The following SC5D variants were observed in gnomAD, a reference collection of about 807,000 sequenced individuals.
SC5D encodes sterol-C5-desaturase, also known as lathosterol oxidase.
In SC5D, 21 loss-of-function variants were observed where a neutral mutation model predicts 23.9. The ratio of observed to expected loss-of-function variants is 0.88; its 90% confidence interval spans 0.62 to 1.26. The LOEUF (loss-of-function observed/expected upper bound fraction) is 1.26, where lower values mean the gene tolerates loss of function less well. Among genes scored for constraint, SC5D ranks in the 50% most tolerant of loss-of-function variants. SC5D has a pLI of 0.00. For synonymous variants in SC5D, 113 were observed against 125.9 expected (o/e 0.90, Z 0.68); for missense variants, 309 against 364.8 (o/e 0.85, Z 1.25).
chr11:121,301,561 A>G (rs1352981830), intron 1 of SC5D, among the ~76,000 whole-genome samples: 2 of 152,194 alleles, frequency 1.3e-5, no homozygotes, highest in African/African-American at 4.8e-5. Flanking sequence ...AAAGTTTAAG[A>G]AAGAGTGGCC....
intron 1 of SC5D, among the ~76,000 whole-genome samples, chr11:121,298,994 A>T (rs1179383198): frequency 1.3e-5 from 2 of 152,168 alleles, no homozygotes; most frequent in Non-Finnish European, 2.9e-5. Context: ...GGCCATTTTC[A>T]CTTCTTTTGT....
At position 121,313,254 on chromosome 11, in the gene SC5D, T is replaced by C. The variant is rs73592766; in HGVS notation, c.*5742T>C. Among the ~76,000 whole-genome samples the C allele has an allele frequency of 0.019, 2,914 of 152,320 alleles. 107 individuals carry two copies. The highest frequency in any genetic ancestry group is 0.065 in the African/African-American group (2,692 of 41,558). On this transcript the variant is annotated 3_prime_UTR_variant, in exon 5 of 5. Coordinates refer to ENST00000264027, the MANE Select transcript of SC5D (RefSeq NM_006918.5). The stretch of plus-strand genomic sequence containing the variant: ...CTTTAGCTTAACATGTTTAGAGATA[T>C]TTGCTGTTGCCTGTGTCTGTAGCTT...
In SC5D at chr11:121,309,018, G is replaced by A. The variant is rs1947989369; in HGVS notation, c.*1506G>A. Among the ~76,000 whole-genome samples the A allele has an allele frequency of 6.6e-6, 1 of 152,308 alleles. No individual in the cohort carries two copies. Among genetic ancestry groups the A allele is most frequent in the Non-Finnish European group, 1.5e-5 (1 of 68,028 alleles). ...GCCTTGCCTAAGAAAAAGAAATTAA[G>A]GAGAAGTAAACTTTATTTCCTAATA... On this transcript the variant is annotated 3_prime_UTR_variant, in exon 5 of 5. Transcript: ENST00000264027.
Position 121,308,581 on chromosome 11 carries a change from A to G in SC5D, c.*1069A>G, listed in dbSNP as rs145009891. 6.5e-6 allele frequency: 1 copy of G among 152,788 alleles called. No homozygotes were observed. The highest frequency in any genetic ancestry group is 1.5e-5 in the Non-Finnish European group (1 of 68,038). 9.5% of individuals were successfully genotyped at this position (152,788 alleles called of 1,614,324 possible). ...TATATTGCAAAAACATAGTTTGTAAAGGCATTCTATAAGCTATTTATGTAA... is the reference window on the plus strand; with the variant it reads ...TATATTGCAAAAACATAGTTTGTAAGGGCATTCTATAAGCTATTTATGTAA... On this transcript the variant is annotated 3_prime_UTR_variant, in exon 5 of 5. Coordinates refer to ENST00000264027, the MANE Select transcript of SC5D (RefSeq NM_006918.5).
rs972368966 is a variant in SC5D, at chr11:121,309,946, A to C, written c.*2434A>C. Among the ~76,000 whole-genome samples the C allele has an allele frequency of 3.5e-4, 53 of 152,192 alleles. No homozygotes were observed. Among genetic ancestry groups the C allele is most frequent in the African/African-American group, 1.3e-3 (52 of 41,442 alleles). On this transcript the variant is annotated 3_prime_UTR_variant, in exon 5 of 5. Transcript: ENST00000264027. ...GAGAAGTGGGTGGATATGGTTCGAG[A>C]AGACCTTTCAGAAACACAGAGACTG...
At chr11:121,293,610 G>A (rs1947868153) in intron 1 of SC5D, among the ~76,000 whole-genome samples, 1 of 152,198 alleles carries the variant, frequency 6.6e-6, no homozygotes, top group South Asian at 2.1e-4. Context: ...CAAGACCTCA[G>A]TACATAGAGT....
At chr11:121,298,727 A>G (rs1947906460) in intron 1 of SC5D, among the ~76,000 whole-genome samples, 1 of 152,196 alleles carries the variant, frequency 6.6e-6, no homozygotes, top group African/African-American at 2.4e-5. Context: ...ACGCACGTCC[A>G]TGTGAAGAGA....
chr11:121,304,580 C>A, intron 3 of SC5D, 87 bp downstream of exon 3: 2 of 1,076,870 alleles, frequency 1.9e-6, no homozygotes, highest in Non-Finnish European at 2.8e-6. Flanking sequence ...TTTTTTTTTT[C>A]ATCTTTTAAA....
intron 1 of SC5D, chr11:121,293,211 G>A (rs1306265954): frequency 2.0e-5 from 3 of 152,374 alleles, no homozygotes; most frequent in Non-Finnish European, 4.4e-5. Context: ...GGCCGATAGG[G>A]AGGCCTGGAC....
intron 4 of SC5D, 149 bp downstream of exon 4, chr11:121,306,635 T>C (rs1333860416): frequency 1.4e-5 from 10 of 697,982 alleles, no homozygotes; most frequent in Non-Finnish European, 2.4e-5. Flanking sequence ...GTGCATTTTG[T>C]TCATATTCTT....
At chr11:121,296,404 A>G (rs186796745) in intron 1 of SC5D, among the ~76,000 whole-genome samples, 1 of 152,194 alleles carries the variant, frequency 6.6e-6, no homozygotes, top group African/African-American at 2.4e-5. Flanking sequence ...CACCAACCAC[A>G]CGCAGTGAGC....
chr11:121,304,332 T>C, intron 2 of SC5D, 29 bp from the exon 3 acceptor site: 15 of 1,611,044 alleles, frequency 9.3e-6, no homozygotes, highest in Non-Finnish European at 1.3e-5. Flanking sequence ...GATTTTGTGA[T>C]TTTTAAGTAT....
chr11:121,303,691 A>C lies in SC5D; in HGVS notation c.210+106A>C. The C allele has an allele frequency of 3.3e-6, 3 of 902,278 alleles. No homozygotes were observed. In the South Asian group the frequency reaches 5.1e-5, roughly 15 times the overall value. The allele number at this position is 902,278 out of a possible 1,614,324, so 55.9% of individuals were successfully genotyped here. On this transcript the variant is annotated intron_variant, in intron 2 of 4. Transcript: ENST00000264027. ...CTGATTATATGTAACCATTAAATAAAATTTTGGAGACCAACCACAAATGGG... is the reference window on the plus strand; with the variant it reads ...CTGATTATATGTAACCATTAAATAACATTTTGGAGACCAACCACAAATGGG...
Position 121,306,412 on chromosome 11 carries a change from A to G in SC5D, c.370A>G (p.Ile124Val), listed in dbSNP as rs745432119. ...ATTGTTTGAACTTGTCGTTAGTATA[A>G]TATCTTTCCTCTTTTTCACTGACAT... ...YGLFELVVSI[I>V]SFLFFTDMFI... The change falls in exon 4 of 5, where the codon ATA becomes GTA. Residue 124 changes from isoleucine to valine, a missense_variant. Coordinates refer to ENST00000264027, the MANE Select transcript of SC5D (RefSeq NM_006918.5). 19 of 1,580,228 alleles carry G rather than the reference A, an allele frequency of 1.2e-5. No homozygotes were observed. The East Asian group carries it at 3.6e-4, about 30-fold the overall frequency.
chr11:121,312,973 A>C lies in SC5D; in HGVS notation c.*5461A>C, dbSNP rs934804821. On this transcript the variant is annotated 3_prime_UTR_variant, in exon 5 of 5. Transcript: ENST00000264027. ...GATCAACTTAATGAAATTATAATTT[A>C]CTATAATTAAGTGTAGCCATTTTTA... 6.6e-6 allele frequency among the ~76,000 whole-genome samples: 1 copy of C among 152,154 alleles called. No individual in the cohort carries two copies. Among genetic ancestry groups the C allele is most frequent in the Non-Finnish European group, 1.5e-5 (1 of 68,012 alleles).
rs1185856719 is a variant in SC5D, at chr11:121,312,437, AC to A, written c.*4927del. Among the ~76,000 whole-genome samples the A allele has an allele frequency of 2.6e-5, 4 of 152,158 alleles. No homozygotes were observed. The highest frequency in any genetic ancestry group is 9.6e-5 in the African/African-American group (4 of 41,452). ...ATTCCAATTATCCTGAACATTTAAT[AC>A]CATTTACATATTTTATTAATCACAT... On this transcript the variant is annotated 3_prime_UTR_variant, in exon 5 of 5. Transcript: ENST00000264027.
At chr11:121,297,493 A>G (rs938214749) in intron 1 of SC5D, among the ~76,000 whole-genome samples, 5 of 152,188 alleles carry the variant, frequency 3.3e-5, no homozygotes, top group African/African-American at 1.2e-4. Flanking sequence ...TTTGATGACA[A>G]ATTCTCACTC....
rs977748221 is a variant in SC5D at position 121,312,082 on chromosome 11, A to G, written c.*4570A>G. ...TTAAATAATTTCATTTAAAAAATGC[A>G]TCACTTTGTGTGTTTTTATATTGCT... On this transcript the variant is annotated 3_prime_UTR_variant, in exon 5 of 5. Coordinates refer to ENST00000264027, the MANE Select transcript of SC5D (RefSeq NM_006918.5). Among the ~76,000 whole-genome samples, 27 of 152,230 alleles carry G rather than the reference A, an allele frequency of 1.8e-4. No individual in the cohort carries two copies. The highest frequency in any genetic ancestry group is 6.5e-4 in the African/African-American group (27 of 41,470).
chr11:121,304,429 A>G lies in SC5D; in HGVS notation c.279A>G (p.Ala93=). 6.2e-7 allele frequency: 1 copy of G among 1,612,744 alleles called. No individual in the cohort carries two copies. The highest frequency in any genetic ancestry group is 8.5e-7 in the Non-Finnish European group (1 of 1,178,850). The change falls in exon 3 of 5, where the codon GCA becomes GCG. Residue 93 remains alanine, a synonymous_variant. Coordinates refer to ENST00000264027, the MANE Select transcript of SC5D (RefSeq NM_006918.5). ...CATGGATAAGTATTCTTACTGTTGC[A>G]CTGTTCTTGCTGGAGATAAGAGGTT... ...ALPWISILTV[A]LFLLEIRGYS... is the part of the protein sequence containing the mutation.
Sources: gnomAD v4.1 joint callset for allele counts (sites outside exome capture counted in the v4.1 genomes callset) on GRCh38, gnomAD v4.1.1 for gene constraint, MANE v1.5 for transcripts, NCBI Gene and HGNC (gene_info 2026-07-23, HGNC 2026-07-21) for gene names.